The following NBPF15 variants were observed in gnomAD, a reference collection of about 807,000 sequenced individuals.
NBPF15 encodes the protein NBPF member 15, also known as NBPF family member NBPF15.
NBPF15 carries 74 observed loss-of-function variants against 62.2 expected under a neutral mutation model. That is an observed-to-expected ratio of 1.19 (90% CI 0.99 to 1.44). The LOEUF (loss-of-function observed/expected upper bound fraction) is 1.44. Ranked by LOEUF, NBPF15 falls within the 40% of genes most tolerant of loss-of-function variation. NBPF15 has a pLI of 0.00. For synonymous variants in NBPF15, 244 were observed against 209.7 expected, an observed-to-expected ratio of 1.16 and a Z score of -1.41; for missense variants, 790 against 550.0, an observed-to-expected ratio of 1.44 and a Z score of -4.36.
Position 144,435,199 on chromosome 1 carries a change from T to C in NBPF15, c.684A>G (p.Lys228=). The change falls in exon 12 of 22, where the codon AAA becomes AAG. Residue 228 remains lysine (K), a synonymous_variant. Coordinates refer to ENST00000581897, the MANE Select transcript of NBPF15 (RefSeq NM_001385408.1). ...CGACTTTGTCTTCCTCAAATGTGAT[T>C]TTGGTTTTCTTATGTGGCTGGTTGG... The part of the protein sequence containing the change: ...YDSNQPHKKT[K]ITFEEDKVDS... The C allele has an allele frequency of 6.2e-7, 1 of 1,612,982 alleles. No individual in the cohort carries two copies. The highest frequency in any genetic ancestry group is 8.5e-7 in the Non-Finnish European group (1 of 1,179,692).
In NBPF15 at chr1:144,426,157, C is replaced by T. The variant is rs1276437627; in HGVS notation, c.1438+121G>A. 9.9e-5 allele frequency: 65 copies of T among 658,610 alleles called. 1 individual carries two copies. The highest frequency in any genetic ancestry group is 1.7e-4 in the Non-Finnish European group (63 of 375,010). 40.8% of individuals were successfully genotyped at this position (658,610 alleles called of 1,614,324 possible). On this transcript the variant is annotated intron_variant, in intron 18 of 21. Coordinates refer to ENST00000581897, the MANE Select transcript of NBPF15 (RefSeq NM_001385408.1). ...CAGTTTCATTACAACCTTTATGCGCCCATAGGTCCTGCCTGCGGCAATGAC... is the reference window on the plus strand; with the variant it reads ...CAGTTTCATTACAACCTTTATGCGCTCATAGGTCCTGCCTGCGGCAATGAC...
chr1:144,445,352 TATAC>T (rs1200433452), intron 6 of NBPF15, among the ~76,000 whole-genome samples: 106 of 115,138 alleles, frequency 9.2e-4, no homozygotes, highest in African/African-American at 3.7e-3. Context: ...TATATATATA[TATAC>T]ACACACACAC....
Position 144,422,234 on chromosome 1 carries a change from T to A in NBPF15, c.*779A>T, listed in dbSNP as rs1163340427. On this transcript the variant is annotated 3_prime_UTR_variant, in exon 22 of 22. Transcript: ENST00000581897. The stretch of plus-strand genomic sequence containing the variant: ...CAGTGTTCTACATTCTGCAGTTGTC[T>A]GGTGATTACCTCCTATGAAACTCAG... 3 of 33,682 alleles carry A rather than the reference T, an allele frequency of 8.9e-5. No individual in the cohort carries two copies. The highest frequency in any genetic ancestry group is 3.7e-4 in the Admixed American group (1 of 2,712). 2.1% of individuals were successfully genotyped at this position (33,682 alleles called of 1,614,324 possible).
chr1:144,442,801 G>A, intron 6 of NBPF15: 1 of 208,732 alleles, frequency 4.8e-6, no homozygotes, highest in Non-Finnish European at 1.0e-5. Context: ...GAAATATACT[G>A]TGGTCCTGGA....
At chr1:144,446,105 G>A (rs1277674664) in intron 6 of NBPF15, among the ~76,000 whole-genome samples, 25 of 151,212 alleles carry the variant, frequency 1.7e-4, no homozygotes, top group African/African-American at 4.4e-4. Flanking sequence ...TGCCCACCTC[G>A]GCCTCCCAAA....
At chr1:144,438,366 C>T (rs1486950952) in intron 8 of NBPF15, among the ~76,000 whole-genome samples, 5 of 151,860 alleles carry the variant, frequency 3.3e-5, no homozygotes, top group African/African-American at 1.2e-4. Flanking sequence ...CCAAGCCTTG[C>T]AGCCTCTCCT....
rs199745834 is a variant in NBPF15 at position 144,427,845 on chromosome 1, G to A, written c.1186C>T (p.Arg396Cys). ...TCCATGTCAATAGCCAAGCCAACAC[G>A]CTGTTGCTCCAATACGTAAAAGGCA... ...RSAFYVLEQQ[R>C]VGLAIDMDEI... Residue 396 changes from arginine to cysteine, a missense_variant, in exon 16 of 22, where the codon CGT becomes TGT. Coordinates refer to ENST00000581897, the MANE Select transcript of NBPF15 (RefSeq NM_001385408.1). 1.9e-5 allele frequency: 14 copies of A among 734,370 alleles called. No homozygotes were observed. The East Asian group carries it at 2.3e-4, about 12-fold the overall frequency. 45.5% of individuals were successfully genotyped at this position (734,370 alleles called of 1,614,324 possible). A position where few individuals can be genotyped will look rare whatever the true frequency, so the allele number is the denominator to read the frequency against.
At position 144,455,405 on chromosome 1, in the gene NBPF15, T is replaced by C. The variant is rs180987887; in HGVS notation, c.-432+1132A>G. ...ACGCTAACTAGTTATTGGAGACAGA[T>C]GCACTACTGTAAAACTATATGCTGT... is the stretch of plus-strand genomic sequence containing the variant. On this transcript the variant is annotated intron_variant, in intron 4 of 21. Coordinates refer to ENST00000581897, the MANE Select transcript of NBPF15 (RefSeq NM_001385408.1). Among the ~76,000 whole-genome samples the C allele has an allele frequency of 1.1e-3, 172 of 152,158 alleles. 2 individuals carry two copies. The highest frequency in any genetic ancestry group is 3.4e-3 in the African/African-American group (142 of 41,508).
chr1:144,436,915 A>G lies in NBPF15; in HGVS notation c.473T>C (p.Leu158Pro). 6.2e-7 allele frequency: 1 copy of G among 1,611,934 alleles called. No individual in the cohort carries two copies. Among genetic ancestry groups the G allele is most frequent in the Non-Finnish European group, 8.5e-7 (1 of 1,179,558 alleles). The change falls in exon 10 of 22, where the codon CTT becomes CCT. Residue 158 changes from leucine to proline, a missense_variant. Coordinates refer to ENST00000581897, the MANE Select transcript of NBPF15 (RefSeq NM_001385408.1). ...CTTACCTGGGCTGAGCTTTTGGACA[A>G]GGTGCTGTGTCAGTCTACACCCCTC... is the stretch of plus-strand genomic sequence containing the variant. ...LAEGCRLTQH[L>P]VQKLSPENDN... is the part of the protein sequence containing the mutation.
Position 144,461,494 on chromosome 1 carries a change from G to C in NBPF15, c.-1051C>G, listed in dbSNP as rs1653064317. The C allele has an allele frequency of 6.5e-6, 1 of 152,740 alleles. No individual in the cohort carries two copies. Among genetic ancestry groups the C allele is most frequent in the Admixed American group, 6.5e-5 (1 of 15,270 alleles). 9.5% of individuals were successfully genotyped at this position (152,740 alleles called of 1,614,324 possible). On this transcript the variant is annotated 5_prime_UTR_variant, in exon 1 of 22. Transcript: ENST00000581897. ...GTGCGCCACGCCTCGGCCCGCTCCT[G>C]GCGCCACAGGTCGCCCGTCCCGCGT...
rs1422810777 is a variant in NBPF15, at chr1:144,427,596, G to A, written c.1213+222C>T. On this transcript the variant is annotated intron_variant, in intron 16 of 21. Transcript: ENST00000581897. ...AACGTCATGAGAGTAGGATTAGGGC[G>A]CCACAGGCATGGCCTGAGACTAGGA... Among the ~76,000 whole-genome samples, 182 of 146,114 alleles carry A rather than the reference G, an allele frequency of 1.2e-3. 4 individuals carry two copies. Among genetic ancestry groups the A allele is most frequent in the East Asian group, 2.5e-3 (13 of 5,106 alleles).
At chr1:144,442,180 A>ACACGTGTATATATATTAT (rs1165418667) in intron 6 of NBPF15, among the ~76,000 whole-genome samples, 1 of 96,372 alleles carries the variant, frequency 1.0e-5, no homozygotes, top group African/African-American at 4.3e-5. Context: ...ATATATATAT[A>ACACGTGTATATATATTAT]ATATATATAC....
At chr1:144,459,687 G>A (rs1651022478) in intron 2 of NBPF15, among the ~76,000 whole-genome samples, 1 of 151,612 alleles carries the variant, frequency 6.6e-6, no homozygotes, top group Admixed American at 6.6e-5. Context: ...GATTTAACAG[G>A]CACTTCACAA....
At chr1:144,448,474 A>G (rs1571154961) in intron 6 of NBPF15, among the ~76,000 whole-genome samples, 1 of 152,186 alleles carries the variant, frequency 6.6e-6, no homozygotes, top group South Asian at 2.1e-4. Flanking sequence ...GGGAGGGGAC[A>G]GACAACAAAT....
At chr1:144,461,346 C>T (rs1553548478) in intron 1 of NBPF15, 35 bp downstream of exon 1, 1 of 151,618 alleles carries the variant, frequency 6.6e-6, no homozygotes, top group South Asian at 2.1e-4. Context: ...AGCCGCAGCT[C>T]GACCCAGCTG....
chr1:144,423,344 T>A (rs61812443), intron 21 of NBPF15, 88 bp from the exon 22 acceptor site: 2 of 1,603,590 alleles, frequency 1.2e-6, no homozygotes, highest in Admixed American at 3.4e-5. Context: ...TATAAGGAAG[T>A]GGTTAGAAAA....
intron 4 of NBPF15, among the ~76,000 whole-genome samples, chr1:144,455,287 A>G (rs1346757308): frequency 6.6e-6 from 1 of 151,342 alleles, no homozygotes; most frequent in Non-Finnish European, 1.5e-5. Flanking sequence ...GAAGTAGGGA[A>G]GGAAGGAAGG....
rs1267005911 is a variant in NBPF15 at position 144,424,586 on chromosome 1, G to A, written c.1663+104C>T. ...ACATGTGCCTATAGGTCCTCACTGCGGCAATGACATCTCTCAGCTCAGTAA... is the reference window on the plus strand; with the variant it reads ...ACATGTGCCTATAGGTCCTCACTGCAGCAATGACATCTCTCAGCTCAGTAA... On this transcript the variant is annotated intron_variant, in intron 20 of 21. Coordinates refer to ENST00000581897, the MANE Select transcript of NBPF15 (RefSeq NM_001385408.1). 5.2e-3 allele frequency: 3,386 copies of A among 655,414 alleles called. 102 individuals are homozygous for A. In the African/African-American group the frequency reaches 0.053, roughly 10 times the overall value. The allele number at this position is 655,414 out of a possible 1,614,324, so 40.6% of individuals were successfully genotyped here. A position where few individuals can be genotyped will look rare whatever the true frequency, so the allele number is the denominator to read the frequency against.
At chr1:144,432,722 A>G (rs1486320029) in intron 13 of NBPF15, among the ~76,000 whole-genome samples, 2 of 152,220 alleles carry the variant, frequency 1.3e-5, no homozygotes, top group Admixed American at 1.3e-4. Context: ...AGGCCACTAC[A>G]TAATGGTAAA....
Sources: gnomAD v4.1 joint callset for allele counts (sites outside exome capture counted in the v4.1 genomes callset) on GRCh38, gnomAD v4.1.1 for gene constraint, MANE v1.5 for transcripts, NCBI Gene and HGNC (gene_info 2026-07-23, HGNC 2026-07-21) for gene names.